DCUN1D4: variants seen among roughly 807,000 people sequenced by gnomAD.
DCUN1D4 encodes the protein defective in cullin neddylation 1 domain containing 4.
Under a neutral mutation model 47.9 loss-of-function variants are expected in DCUN1D4, and 22 were observed. That is an observed-to-expected ratio of 0.46 (90% CI 0.33 to 0.66). The LOEUF (loss-of-function observed/expected upper bound fraction) is 0.66, where lower values mean the gene tolerates loss of function less well. DCUN1D4 is among the 30% of genes least tolerant of loss of function. The probability of loss-of-function intolerance (pLI) is 0.02; values close to 1 mark genes in which losing one functional copy is unlikely to be tolerated. For missense variants in DCUN1D4, 301 were observed against 340.8 expected (o/e 0.88, Z 0.92); for synonymous variants, 121 against 112.2 (o/e 1.08, Z -0.50).
At chr4:51,845,562 C>T (rs1219331213) in intron 1 of DCUN1D4, among the ~76,000 whole-genome samples, 1 of 152,152 alleles carries the variant, frequency 6.6e-6, no homozygotes, top group Non-Finnish European at 1.5e-5. Flanking sequence ...ACTCCCTAAA[C>T]GTCACATCCT....
chr4:51,863,079 T>A (rs1288188663), intron 1 of DCUN1D4, among the ~76,000 whole-genome samples: 2 of 152,236 alleles, frequency 1.3e-5, no homozygotes, highest in African/African-American at 4.8e-5. Flanking sequence ...GCCATGAGCT[T>A]ACTTAATTGT....
At chr4:51,834,969 A>C in the DCUN1D4 span, among the ~76,000 whole-genome samples, 1 of 152,200 alleles carries the variant, frequency 6.6e-6, no homozygotes, top group African/African-American at 2.4e-5. Context: ...CCATACCCTG[A>C]TATTGGGGAA....
chr4:51,841,507 G>T (rs1721650432), upstream of DCUN1D4, among the ~76,000 whole-genome samples: 1 of 152,094 alleles, frequency 6.6e-6, no homozygotes, highest in Admixed American at 6.5e-5. Context: ...GATCAATAAG[G>T]ATGTTCTATG....
chr4:51,856,335 T>C (rs1463975476), intron 1 of DCUN1D4, among the ~76,000 whole-genome samples: 2 of 152,206 alleles, frequency 1.3e-5, no homozygotes, highest in Non-Finnish European at 2.9e-5. Flanking sequence ...GATGATGCTT[T>C]AGTGACCAGA....
chr4:51,908,030 T>C (rs189543498), intron 8 of DCUN1D4, among the ~76,000 whole-genome samples: 1 of 152,352 alleles, frequency 6.6e-6, no homozygotes, highest in Non-Finnish European at 1.5e-5. Context: ...TTCTCTACAC[T>C]AGCTCTTAGT....
chr4:51,889,552 T>G (rs1730098559), intron 6 of DCUN1D4, among the ~76,000 whole-genome samples: 1 of 152,236 alleles, frequency 6.6e-6, no homozygotes, highest in Non-Finnish European at 1.5e-5. Context: ...TTTAGCCATG[T>G]TTCATTCATG....
At position 51,916,729 on chromosome 4, in the gene DCUN1D4, A is replaced by G. The variant is rs1734359755; in HGVS notation, c.*3145A>G. ...TCCTGTGACTCCCAGCTTAACTGAA[A>G]TACTGTTATGCCACCTAACTTGAGT... is the stretch of plus-strand genomic sequence containing the variant. On this transcript the variant is annotated 3_prime_UTR_variant, in exon 11 of 11. Transcript: ENST00000334635. 1 of 152,588 alleles carries G rather than the reference A, an allele frequency of 6.6e-6. No individual in the cohort carries two copies. The highest frequency in any genetic ancestry group is 2.4e-5 in the African/African-American group (1 of 41,446). The allele number at this position is 152,588 out of a possible 1,614,324, so 9.5% of individuals were successfully genotyped here. A position where few individuals can be genotyped will look rare whatever the true frequency, so the allele number is the denominator to read the frequency against.
At chr4:51,910,409 T>C (rs1212570219) in intron 8 of DCUN1D4, among the ~76,000 whole-genome samples, 2 of 152,152 alleles carry the variant, frequency 1.3e-5, no homozygotes, top group Admixed American at 6.5e-5. Context: ...GTTAGGAGTA[T>C]TTTACTAGGA....
chr4:51,879,534 G>A (rs1253651667), intron 5 of DCUN1D4, among the ~76,000 whole-genome samples: 1 of 152,224 alleles, frequency 6.6e-6, no homozygotes. Context: ...TCGAACCTGG[G>A]AGGCGGAGGT....
intron 8 of DCUN1D4, among the ~76,000 whole-genome samples, chr4:51,908,059 A>T (rs1473018967): frequency 6.6e-6 from 1 of 152,184 alleles, no homozygotes; most frequent in Non-Finnish European, 1.5e-5. Context: ...TATGGAGTAT[A>T]TTTATTCCAT....
chr4:51,860,805 T>TAAGACTCAACA, intron 1 of DCUN1D4: 1 of 311,050 alleles, frequency 3.2e-6, no homozygotes, highest in African/African-American at 2.2e-5. Flanking sequence ...GCACTGAGAA[T>TAAGACTCAACA]TACAGTTCAA....
At chr4:51,892,993 G>C (rs1307166101) in intron 7 of DCUN1D4, among the ~76,000 whole-genome samples, 2 of 152,188 alleles carry the variant, frequency 1.3e-5, no homozygotes, top group African/African-American at 2.4e-5. Context: ...TTCGCATTGT[G>C]CTTTAGTAGT....
intron 5 of DCUN1D4, among the ~76,000 whole-genome samples, chr4:51,883,101 G>T (rs1405147674): frequency 6.6e-6 from 1 of 152,142 alleles, no homozygotes; most frequent in Non-Finnish European, 1.5e-5. Flanking sequence ...AACATAAAAT[G>T]TATTAATATT....
chr4:51,874,494 G>A (rs1232752138), intron 4 of DCUN1D4, 109 bp downstream of exon 4: 1 of 608,328 alleles, frequency 1.6e-6, no homozygotes, highest in East Asian at 3.1e-5. Context: ...AAGTGGAATG[G>A]GCTTTGCCAG....
intron 9 of DCUN1D4, among the ~76,000 whole-genome samples, chr4:51,912,766 C>T (rs1279130734): frequency 6.6e-6 from 1 of 152,186 alleles, no homozygotes; most frequent in Non-Finnish European, 1.5e-5. Context: ...TTTGAGACCA[C>T]TTGCAGCACT....
intron 1 of DCUN1D4, among the ~76,000 whole-genome samples, chr4:51,848,880 A>C (rs1018293412): frequency 1.6e-4 from 25 of 152,150 alleles, no homozygotes; most frequent in Non-Finnish European, 3.1e-4. Context: ...CTAGATATGA[A>C]AAAGACCCCT....
intron 8 of DCUN1D4, among the ~76,000 whole-genome samples, chr4:51,908,507 G>T (rs963078930): frequency 5.3e-5 from 8 of 152,086 alleles, no homozygotes; most frequent in Non-Finnish European, 7.4e-5. Context: ...TGAGCAGAGA[G>T]TCACAGGATT....
intron 5 of DCUN1D4, among the ~76,000 whole-genome samples, chr4:51,879,191 A>G (rs1233342877): frequency 6.6e-6 from 1 of 152,188 alleles, no homozygotes; most frequent in Non-Finnish European, 1.5e-5. Flanking sequence ...GGGCATGGAC[A>G]CTAGTGCAAA....
chr4:51,860,679 A>C (rs1480001541), intron 1 of DCUN1D4: 1 of 454,266 alleles, frequency 2.2e-6, no homozygotes, highest in Non-Finnish European at 4.4e-6. Context: ...AGGAGGTGCC[A>C]CACACTTTTA....
Sources: gnomAD v4.1 joint callset for allele counts (sites outside exome capture counted in the v4.1 genomes callset) on GRCh38, gnomAD v4.1.1 for gene constraint, MANE v1.5 for transcripts, NCBI Gene and HGNC (gene_info 2026-07-23, HGNC 2026-07-21) for gene names.